MGAT4C: variants seen among roughly 807,000 people sequenced by gnomAD.
MGAT4C encodes alpha-1,3-mannosyl-glycoprotein 4-beta-N-acetylglucosaminyltransferase C.
In MGAT4C, 19 loss-of-function variants were observed where a neutral mutation model predicts 40.1. The ratio of observed to expected loss-of-function variants is 0.47; its 90% CI spans 0.33 to 0.70. MGAT4C has a LOEUF of 0.70. MGAT4C is among the 30% of genes least tolerant of loss of function. The probability of loss-of-function intolerance (pLI) is 0.02; values close to 1 mark genes in which losing one functional copy is unlikely to be tolerated. For missense variants in MGAT4C, 491 were observed against 563.2 expected, an observed-to-expected ratio of 0.87 and a Z score of 1.30; for synonymous variants, 181 against 187.1, an observed-to-expected ratio of 0.97 and a Z score of 0.27.
chr12:86,271,117 T>C (rs573411033), intron 4 of MGAT4C, among the ~76,000 whole-genome samples: 1 of 152,252 alleles, frequency 6.6e-6, no homozygotes, highest in African/African-American at 2.4e-5. Flanking sequence ...GCAAAACATT[T>C]ATGAAGACCT....
chr12:86,308,286 C>G (rs1220891210), intron 4 of MGAT4C, among the ~76,000 whole-genome samples: 1 of 150,216 alleles, frequency 6.7e-6, no homozygotes, highest in Non-Finnish European at 1.5e-5. Flanking sequence ...TTCCAAATAC[C>G]TATTTTGTTT....
chr12:86,292,917 T>G (rs1337897546), intron 4 of MGAT4C, among the ~76,000 whole-genome samples: 2 of 152,090 alleles, frequency 1.3e-5, no homozygotes, highest in African/African-American at 4.8e-5. Context: ...AAAGGGCTTG[T>G]GCTAATTGCT....
At chr12:86,346,900 GTC>G (rs1233124476) in intron 3 of MGAT4C, among the ~76,000 whole-genome samples, 1 of 152,204 alleles carries the variant, frequency 6.6e-6, no homozygotes, top group Admixed American at 6.5e-5. Context: ...GACTTGCTGT[GTC>G]TTCCGGCCTT....
intron 1 of MGAT4C, among the ~76,000 whole-genome samples, chr12:86,757,707 T>G (rs1951330117): frequency 6.6e-6 from 1 of 152,182 alleles, no homozygotes; most frequent in Admixed American, 6.5e-5. Flanking sequence ...ACAATGGGAC[T>G]GTATGCCTAC....
At chr12:86,278,754 A>C (rs905421779) in intron 4 of MGAT4C, among the ~76,000 whole-genome samples, 2 of 152,070 alleles carry the variant, frequency 1.3e-5, no homozygotes, top group African/African-American at 4.8e-5. Flanking sequence ...CTGTGGTCAA[A>C]GTGGGCATCC....
At chr12:86,804,344 C>T (rs1356972763) in intron 1 of MGAT4C, among the ~76,000 whole-genome samples, 4 of 146,534 alleles carry the variant, frequency 2.7e-5, no homozygotes, top group Admixed American at 6.8e-5. Flanking sequence ...TGCAGCGCAC[C>T]AGCACGGCAC....
At chr12:86,158,039 A>G (rs942920497) in intron 1 of MGAT4C, among the ~76,000 whole-genome samples, 1 of 152,200 alleles carries the variant, frequency 6.6e-6, no homozygotes, top group African/African-American at 2.4e-5. Context: ...CATATTGCCC[A>G]AATGAAAGTT....
chr12:86,810,657 C>A (rs777166401), intron 1 of MGAT4C, among the ~76,000 whole-genome samples: 34 of 151,542 alleles, frequency 2.2e-4, no homozygotes, highest in Non-Finnish European at 4.6e-4. Flanking sequence ...TTCAACCAGC[C>A]TTGCACCGAG....
intron 2 of MGAT4C, among the ~76,000 whole-genome samples, chr12:86,643,473 T>G (rs112601868): frequency 3.3e-5 from 5 of 151,900 alleles, no homozygotes; most frequent in African/African-American, 1.2e-4. Context: ...ATAAACAAAA[T>G]GTGACATACC....
intron 3 of MGAT4C, among the ~76,000 whole-genome samples, chr12:86,358,085 T>G (rs578027238): frequency 7.6e-4 from 115 of 152,026 alleles, no homozygotes; most frequent in Admixed American, 1.0e-3. Flanking sequence ...GAGAGAAAGG[T>G]CAGGTTACTG....
At chr12:86,064,036 T>A (rs1199393897) in intron 1 of MGAT4C, among the ~76,000 whole-genome samples, 1 of 152,212 alleles carries the variant, frequency 6.6e-6, no homozygotes, top group Admixed American at 6.5e-5. Context: ...AACTCAGCTC[T>A]GGACCAAGCA....
At chr12:86,232,938 C>T (rs546850891) in intron 1 of MGAT4C, among the ~76,000 whole-genome samples, 1 of 152,278 alleles carries the variant, frequency 6.6e-6, no homozygotes, top group South Asian at 2.1e-4. Context: ...ACTCCCTGAT[C>T]CCATACAGCA....
chr12:86,703,408 T>A (rs1359497235), intron 2 of MGAT4C, among the ~76,000 whole-genome samples: 1 of 152,232 alleles, frequency 6.6e-6, no homozygotes, highest in African/African-American at 2.4e-5. Context: ...CAAACTTCAT[T>A]GTTTTTTGAT....
chr12:86,350,270 A>G (rs1298487467), intron 3 of MGAT4C, among the ~76,000 whole-genome samples: 1 of 152,068 alleles, frequency 6.6e-6, no homozygotes. Flanking sequence ...TGCCTGGTAT[A>G]GCAAACGTCC....
intron 2 of MGAT4C, among the ~76,000 whole-genome samples, chr12:86,561,692 A>G (rs762285099): frequency 3.9e-5 from 6 of 152,046 alleles, no homozygotes; most frequent in Admixed American, 6.6e-5. Context: ...CTATTGTGGG[A>G]CTTCACCTTG....
intron 2 of MGAT4C, among the ~76,000 whole-genome samples, chr12:86,717,596 G>A (rs1950665608): frequency 2.0e-5 from 3 of 152,040 alleles, no homozygotes; most frequent in Admixed American, 2.0e-4. Context: ...GAGGTTTTCT[G>A]AGAGAAAATA....
At chr12:86,708,323 T>C (rs1382001849) in intron 2 of MGAT4C, among the ~76,000 whole-genome samples, 4 of 152,288 alleles carry the variant, frequency 2.6e-5, no homozygotes, top group African/African-American at 9.6e-5. Context: ...AAGTCAAGAA[T>C]TGGGATTTGG....
chr12:86,090,292 T>A (rs1224674407), intron 1 of MGAT4C, among the ~76,000 whole-genome samples: 1 of 151,756 alleles, frequency 6.6e-6, no homozygotes, highest in East Asian at 1.9e-4. Context: ...TATATTCATT[T>A]AAAAACTTTA....
chr12:85,956,549 T>C lies in MGAT4C; in HGVS notation c.*22740A>G. 6.6e-6 allele frequency: 1 copy of C among 152,208 alleles called. No homozygotes were observed. The highest frequency in any genetic ancestry group is 1.9e-4 in the East Asian group (1 of 5,200). The allele number at this position is 152,208 out of a possible 1,614,324, so 9.4% of individuals were successfully genotyped here. A position where few individuals can be genotyped will look rare whatever the true frequency, so the allele number is the denominator to read the frequency against. On this transcript the variant is annotated 3_prime_UTR_variant, in exon 5 of 5. Coordinates refer to ENST00000611864, the MANE Select transcript of MGAT4C (RefSeq NM_001351288.2). ...GTTGGGAACATTTACAGATCATTTTTTGGATTACATTTAGTCTTTAGAAAA... is the reference window on the plus strand; with the variant it reads ...GTTGGGAACATTTACAGATCATTTTCTGGATTACATTTAGTCTTTAGAAAA...
Sources: gnomAD v4.1 joint callset for allele counts (sites outside exome capture counted in the v4.1 genomes callset) on GRCh38, gnomAD v4.1.1 for gene constraint, MANE v1.5 for transcripts, NCBI Gene and HGNC (gene_info 2026-07-23, HGNC 2026-07-21) for gene names.